The following DENND1A variants were observed in gnomAD, a reference collection of about 807,000 sequenced individuals.
DENND1A encodes DENN domain-containing protein 1A.
A neutral mutation model predicts 113.7 loss-of-function variants in DENND1A; 51 were observed. The observed-to-expected ratio is 0.45, with a 90% CI of 0.36 to 0.57. The LOEUF is 0.57. Among genes scored for constraint, DENND1A ranks in the 20% least tolerant of loss-of-function variants. The probability of loss-of-function intolerance (pLI) is 0.00; values close to 1 mark genes in which losing one functional copy is unlikely to be tolerated. For synonymous variants in DENND1A, 565 were observed against 570.8 expected, an observed-to-expected ratio of 0.99 and a Z score of 0.14; for missense variants, 1,258 against 1,395.9, an observed-to-expected ratio of 0.90 and a Z score of 1.57.
chr9:123,620,228 AAAAAAAAAAAG>A (rs1243169361), intron 10 of DENND1A, among the ~76,000 whole-genome samples: 3 of 149,022 alleles, frequency 2.0e-5, no homozygotes, highest in African/African-American at 7.4e-5. Context: ...AAAAAAAAAA[AAAAAAAAAAAG>A]AAAAGAAAAA....
intron 5 of DENND1A, among the ~76,000 whole-genome samples, chr9:123,684,181 T>G (rs2064657052): frequency 6.6e-6 from 1 of 152,116 alleles, no homozygotes; most frequent in Non-Finnish European, 1.5e-5. Context: ...CTGATGACAA[T>G]CATCTGAAAA....
intron 2 of DENND1A, among the ~76,000 whole-genome samples, chr9:123,824,333 T>A (rs1303703083): frequency 6.6e-6 from 1 of 152,172 alleles, no homozygotes; most frequent in Non-Finnish European, 1.5e-5. Flanking sequence ...TAACTCGCAA[T>A]CACTTGCCAA....
intron 5 of DENND1A, among the ~76,000 whole-genome samples, chr9:123,718,729 T>C (rs1456456165): frequency 6.6e-6 from 1 of 152,178 alleles, no homozygotes; most frequent in East Asian, 1.9e-4. Context: ...TGAACTGCCA[T>C]TGGAACTACA....
intron 19 of DENND1A, among the ~76,000 whole-genome samples, chr9:123,424,267 A>G (rs1451092240): frequency 6.6e-6 from 1 of 152,060 alleles, no homozygotes; most frequent in Non-Finnish European, 1.5e-5. Flanking sequence ...TTCCTCACGG[A>G]CTGTACTTCA....
chr9:123,813,632 C>A (rs1396475685), intron 2 of DENND1A, among the ~76,000 whole-genome samples: 1 of 151,904 alleles, frequency 6.6e-6, no homozygotes, highest in African/African-American at 2.4e-5. Flanking sequence ...TTTACTTAGA[C>A]CCGAAAAAAA....
At chr9:123,547,638 A>G (rs151131916) in intron 13 of DENND1A, among the ~76,000 whole-genome samples, 59 of 152,336 alleles carry the variant, frequency 3.9e-4, no homozygotes, top group African/African-American at 1.1e-3. Flanking sequence ...TAAAATGAAT[A>G]AATAAATAAA....
chr9:123,868,194 T>C (rs547937716), intron 2 of DENND1A, among the ~76,000 whole-genome samples: 4 of 152,340 alleles, frequency 2.6e-5, no homozygotes, highest in South Asian at 4.1e-4. Context: ...CAGTAACTGC[T>C]GAGCAATATT....
chr9:123,440,781 T>C (rs1486004543), intron 18 of DENND1A, among the ~76,000 whole-genome samples: 2 of 152,268 alleles, frequency 1.3e-5, no homozygotes, highest in African/African-American at 2.4e-5. Flanking sequence ...TTCATTTTTA[T>C]GTATTTACTT....
Position 123,570,580 on chromosome 9 carries a change from T to A in DENND1A, c.867+12589A>T, listed in dbSNP as rs561215413. On this transcript the variant is annotated intron_variant, in intron 12 of 23. Transcript: ENST00000394215. ...GCATTAGCTTTTCTACTAACCAGCC[T>A]GGGACCTCACTGAGAATAAAGGTTA... 1.2e-4 allele frequency among the ~76,000 whole-genome samples: 18 copies of A among 152,318 alleles called. No individual in the cohort carries two copies. The East Asian group carries it at 2.7e-3, about 23-fold the overall frequency.
chr9:123,702,880 T>C (rs1042694905), intron 5 of DENND1A, among the ~76,000 whole-genome samples: 4 of 151,978 alleles, frequency 2.6e-5, no homozygotes, highest in South Asian at 2.1e-4. Context: ...AAAGTAAGTA[T>C]ACAGTCAAAT....
At chr9:123,624,466 T>C (rs2061106548) in intron 10 of DENND1A, among the ~76,000 whole-genome samples, 1 of 152,234 alleles carries the variant, frequency 6.6e-6, no homozygotes, top group African/African-American at 2.4e-5. Flanking sequence ...TTTCATTTCA[T>C]CATTCTTACA....
Position 123,383,149 on chromosome 9 carries a change from C to T in DENND1A, c.2019+506G>A, listed in dbSNP as rs16926454. On this transcript the variant is annotated intron_variant, in intron 23 of 23. Coordinates refer to ENST00000394215, the MANE Select transcript of DENND1A (RefSeq NM_001352964.2). Reference sequence around the variant, plus strand: ...AATGACTGGAGCTCTGTGAACCCCACGGTGTGACCCAGTGATGCAAAGTCA... The same window carrying T: ...AATGACTGGAGCTCTGTGAACCCCATGGTGTGACCCAGTGATGCAAAGTCA... Among the ~76,000 whole-genome samples the T allele has an allele frequency of 5.9e-3, 903 of 152,322 alleles. 7 individuals are homozygous for T. The highest frequency in any genetic ancestry group is 0.021 in the African/African-American group (873 of 41,560).
chr9:123,633,801 T>A (rs2061585798), intron 9 of DENND1A, among the ~76,000 whole-genome samples: 1 of 151,994 alleles, frequency 6.6e-6, no homozygotes, highest in African/African-American at 2.4e-5. Context: ...AAGGAAAAAA[T>A]GTCTAAAACA....
At chr9:123,891,954 G>A (rs975910168) in intron 1 of DENND1A, among the ~76,000 whole-genome samples, 1 of 150,096 alleles carries the variant, frequency 6.7e-6, no homozygotes, top group Non-Finnish European at 1.5e-5. Flanking sequence ...GTGCAAGGAG[G>A]GGGGACCTAA....
intron 13 of DENND1A, among the ~76,000 whole-genome samples, chr9:123,557,051 G>A (rs750874978): frequency 6.6e-6 from 1 of 152,210 alleles, no homozygotes; most frequent in Non-Finnish European, 1.5e-5. Flanking sequence ...CCACTCTCAG[G>A]AGCCATGAGG....
At chr9:123,516,965 T>C (rs1188733380) in intron 13 of DENND1A, among the ~76,000 whole-genome samples, 2 of 147,328 alleles carry the variant, frequency 1.4e-5, no homozygotes, top group Non-Finnish European at 3.0e-5. Flanking sequence ...TTGTCAAGTG[T>C]CTCAAGGACC....
chr9:123,492,930 C>T (rs985000371), intron 13 of DENND1A: 1 of 152,232 alleles, frequency 6.6e-6, no homozygotes, highest in Non-Finnish European at 1.5e-5. Context: ...AAAAAACATT[C>T]AGGGAAGAAA....
At chr9:123,780,891 C>T (rs1831211923) in intron 3 of DENND1A, among the ~76,000 whole-genome samples, 1 of 152,140 alleles carries the variant, frequency 6.6e-6, no homozygotes, top group Non-Finnish European at 1.5e-5. Flanking sequence ...AGAAGTGTTA[C>T]ATACCCAGTG....
chr9:123,673,452 T>C (rs2063862844), intron 6 of DENND1A, among the ~76,000 whole-genome samples: 1 of 152,222 alleles, frequency 6.6e-6, no homozygotes, highest in Non-Finnish European at 1.5e-5. Flanking sequence ...TTTTTAGCAA[T>C]TCCTTACTTT....
Sources: allele counts gnomAD v4.1 joint callset (sites outside exome capture counted in the v4.1 genomes callset), GRCh38; gene constraint gnomAD v4.1.1; transcripts MANE v1.5; gene names NCBI Gene and HGNC (gene_info 2026-07-23, HGNC 2026-07-21).